SFMBT2: variants seen among roughly 807,000 people sequenced by gnomAD.
The protein encoded by SFMBT2 is scm-like with four MBT domains protein 2.
Under a neutral mutation model 110.1 loss-of-function variants are expected in SFMBT2, and 38 were observed. The ratio of observed to expected loss-of-function variants is 0.35; its 90% CI spans 0.27 to 0.45. The LOEUF (loss-of-function observed/expected upper bound fraction) is 0.45, where lower values mean the gene tolerates loss of function less well. Among genes scored for constraint, SFMBT2 ranks in the 20% least tolerant of loss-of-function variants. The probability of loss-of-function intolerance (pLI) is 1.00; values close to 1 mark genes in which losing one functional copy is unlikely to be tolerated. For synonymous variants in SFMBT2, 425 were observed against 425.4 expected (o/e 1.00, Z 0.01); for missense variants, 1,011 against 1,094.9 (o/e 0.92, Z 1.08).
Position 7,160,922 on chromosome 10 carries a change from G to C in SFMBT2, c.*2848C>G, listed in dbSNP as rs1588750016. 6.6e-6 allele frequency: 1 copy of C among 152,286 alleles called. No homozygotes were observed. The highest frequency in any genetic ancestry group is 1.9e-4 in the East Asian group (1 of 5,168). The allele number at this position is 152,286 out of a possible 1,614,324, so 9.4% of individuals were successfully genotyped here. A position where few individuals can be genotyped will look rare whatever the true frequency, so the allele number is the denominator to read the frequency against. On this transcript the variant is annotated 3_prime_UTR_variant, in exon 21 of 21. Transcript: ENST00000397167. ...CCTCCTGGGTCCTAAAATCTTTCTG[G>C]GCTCTCCTCAAGGACCGGAGAGATG... is the stretch of plus-strand genomic sequence containing the variant.
intron 7 of SFMBT2, among the ~76,000 whole-genome samples, chr10:7,256,473 G>A (rs576213268): frequency 7.4e-4 from 113 of 152,302 alleles, no homozygotes; most frequent in Non-Finnish European, 1.4e-3. Context: ...AAAAAAGCAT[G>A]TGAGTGCATT....
chr10:7,180,753 C>T (rs560713331), intron 16 of SFMBT2, among the ~76,000 whole-genome samples: 1 of 152,216 alleles, frequency 6.6e-6, no homozygotes, highest in East Asian at 1.9e-4. Flanking sequence ...GGGAGGCCGT[C>T]GCATGTGGGG....
intron 7 of SFMBT2, among the ~76,000 whole-genome samples, chr10:7,267,439 T>G (rs1044433985): frequency 6.6e-6 from 1 of 152,170 alleles, no homozygotes; most frequent in Non-Finnish European, 1.5e-5. Flanking sequence ...TGGACTCAAG[T>G]GCAGTTGTCT....
chr10:7,262,232 A>C (rs976871819), intron 7 of SFMBT2, among the ~76,000 whole-genome samples: 5 of 150,998 alleles, frequency 3.3e-5, no homozygotes, highest in Admixed American at 3.3e-4. Flanking sequence ...GTGGTTTTTT[A>C]ATGTTTTTTG....
intron 15 of SFMBT2, among the ~76,000 whole-genome samples, chr10:7,192,439 A>G (rs1221077787): frequency 1.3e-5 from 2 of 152,232 alleles, no homozygotes; most frequent in African/African-American, 4.8e-5. Context: ...TGAACACTGA[A>G]GGCTGCTTGG....
At chr10:7,326,359 C>T (rs1843384259) in intron 4 of SFMBT2, among the ~76,000 whole-genome samples, 1 of 152,206 alleles carries the variant, frequency 6.6e-6, no homozygotes, top group Admixed American at 6.5e-5. Flanking sequence ...CTTCCAGGCG[C>T]TGAGGGACAT....
At chr10:7,411,082 T>TAAGA, upstream of SFMBT2, among the ~76,000 whole-genome samples, 1 of 144,704 alleles carries the variant, frequency 6.9e-6, no homozygotes, top group African/African-American at 2.5e-5. Context: ...TTTTTTTTTT[T>TAAGA]TTTTTTTTTT....
At chr10:7,271,867 T>C (rs1011742298) in intron 7 of SFMBT2, among the ~76,000 whole-genome samples, 1 of 152,178 alleles carries the variant, frequency 6.6e-6, no homozygotes, top group Non-Finnish European at 1.5e-5. Context: ...GTGAGACTTA[T>C]TCACTATCAC....
intron 1 of SFMBT2, among the ~76,000 whole-genome samples, chr10:7,405,917 C>T (rs1184689629): frequency 6.7e-6 from 1 of 148,208 alleles, no homozygotes; most frequent in African/African-American, 2.5e-5. Flanking sequence ...ACATTGACTT[C>T]CTGGTTTGTT....
chr10:7,254,826 A>T (rs1840942144), intron 7 of SFMBT2, among the ~76,000 whole-genome samples: 1 of 151,184 alleles, frequency 6.6e-6, no homozygotes, highest in Admixed American at 6.6e-5. Flanking sequence ...GACTCCGTCT[A>T]AAAAAAAAGA....
At chr10:7,364,871 G>A (rs1332944281) in intron 4 of SFMBT2, among the ~76,000 whole-genome samples, 1 of 152,226 alleles carries the variant, frequency 6.6e-6, no homozygotes, top group African/African-American at 2.4e-5. Flanking sequence ...GATGGGGGAA[G>A]GTCTCTAAAT....
intron 4 of SFMBT2, among the ~76,000 whole-genome samples, chr10:7,313,748 G>A (rs958258464): frequency 6.6e-6 from 1 of 152,200 alleles, no homozygotes; most frequent in African/African-American, 2.4e-5. Context: ...CTCCCAAAGT[G>A]CTGGGATTAC....
intron 4 of SFMBT2, among the ~76,000 whole-genome samples, chr10:7,356,390 T>G (rs1342417701): frequency 2.0e-5 from 3 of 152,078 alleles, no homozygotes; most frequent in Admixed American, 6.6e-5. Flanking sequence ...CACTAGCTAC[T>G]GCGTTTTGTT....
rs761225805 is a variant in SFMBT2, at chr10:7,285,878, G to A, written c.513C>T (p.Asn171=). The change falls in exon 5 of 21, where the codon AAC becomes AAT. Residue 171 remains asparagine (N), a synonymous_variant. Coordinates refer to ENST00000397167, the MANE Select transcript of SFMBT2 (RefSeq NM_001387889.1). ...CAACAATACATACACCTTCCAGGAG[G>A]TTGGCGGGTGCTGTCCTCGAACCAG... ...DLTGSRTAPA[N]LLEGPLRGKG... The A allele has an allele frequency of 2.3e-6, 2 of 872,572 alleles. No homozygotes were observed. The highest frequency in any genetic ancestry group is 3.3e-5 in the African/African-American group (2 of 61,326). 54.1% of individuals were successfully genotyped at this position (872,572 alleles called of 1,614,324 possible). A position where few individuals can be genotyped will look rare whatever the true frequency, so the allele number is the denominator to read the frequency against.
intron 4 of SFMBT2, among the ~76,000 whole-genome samples, chr10:7,332,095 T>C (rs1293350668): frequency 6.6e-6 from 1 of 151,246 alleles, no homozygotes; most frequent in African/African-American, 2.4e-5. Flanking sequence ...GCCGAAGTCA[T>C]CTGCGGAGTG....
At chr10:7,360,035 T>C (rs545140800) in intron 4 of SFMBT2, among the ~76,000 whole-genome samples, 1 of 152,326 alleles carries the variant, frequency 6.6e-6, no homozygotes, top group South Asian at 2.1e-4. Flanking sequence ...TTCAAAAGGA[T>C]GTTCTGAGGA....
intron 9 of SFMBT2, among the ~76,000 whole-genome samples, chr10:7,240,110 T>C (rs138127936): frequency 2.6e-5 from 4 of 152,304 alleles, no homozygotes; most frequent in Admixed American, 2.6e-4. Context: ...AAAAATGGTA[T>C]TGTTACACGT....
Position 7,227,932 on chromosome 10 carries a change from A to G in SFMBT2, c.1126T>C (p.Ser376Pro). 2 of 1,588,134 alleles carry G rather than the reference A, an allele frequency of 1.3e-6. No individual in the cohort carries two copies. Among genetic ancestry groups the G allele is most frequent in the Non-Finnish European group, 1.7e-6 (2 of 1,171,636 alleles). ...TCTGCCCAGTCGAAGTCCTGGCCAG[A>G]GTAACCTGGGAATGACAAAACACAG... Reference protein sequence around the residue: ...GVSLTPPKGYSGQDFDWADYH... With the variant: ...GVSLTPPKGYPGQDFDWADYH... The change falls in exon 10 of 21, where the codon TCT becomes CCT. Residue 376 changes from serine to proline, a missense_variant. This residue lies in a region of SFMBT2 where 979 missense variants were observed against 1,016.1 expected (regional missense o/e 0.96). Transcript: ENST00000397167.
rs150723358 is a variant in SFMBT2, at chr10:7,172,603, G to A, written c.2043C>T (p.Pro681=). ...TGGCGGGTTTGGGGTGTCCGCTGTC[G>A]GGGTTGCTTTCCCCGATGGGGGGCT... ...ISKPPIGESN[P]DSGHPKPARR... is the part of the protein sequence containing the mutation. The change falls in exon 18 of 21, where the codon CCC becomes CCT. Residue 681 remains proline, a synonymous_variant. Transcript: ENST00000397167. This position sits in a 1 kb window ranked among gnomAD's most constrained non-coding sequence, Gnocchi z 4.6. The A allele has an allele frequency of 3.3e-4, 530 of 1,614,206 alleles. 2 individuals carry two copies. The highest frequency in any genetic ancestry group is 2.8e-3 in the East Asian group (125 of 44,876).
Sources: gnomAD v4.1 joint callset for allele counts (sites outside exome capture counted in the v4.1 genomes callset) on GRCh38, gnomAD v4.1.1 for gene constraint, gnomAD v4.1.1 regional missense constraint, Gnocchi (gnomAD v3.1) non-coding constraint, MANE v1.5 for transcripts, NCBI Gene and HGNC (gene_info 2026-07-23, HGNC 2026-07-21) for gene names.